The following MXD4 variants were observed in gnomAD, a reference collection of about 807,000 sequenced individuals.
MXD4 encodes the protein MAX dimerization protein 4.
A neutral mutation model predicts 24.5 loss-of-function variants in MXD4; 16 were observed. The ratio of observed to expected loss-of-function variants is 0.65; its 90% CI spans 0.44 to 0.99. The LOEUF (loss-of-function observed/expected upper bound fraction) is 0.99, where lower values mean the gene tolerates loss of function less well. Among genes scored for constraint, MXD4 ranks in the 50% least tolerant of loss-of-function variants. MXD4 has a pLI of 0.00. For missense variants in MXD4, 301 were observed against 301.5 expected (o/e 1.00, Z 0.01); for synonymous variants, 164 against 134.2 (o/e 1.22, Z -1.54).
At position 2,251,273 on chromosome 4, in the gene MXD4, A is replaced by C. The variant is rs370897849; in HGVS notation, c.310-27T>G. 7.5e-5 allele frequency: 117 copies of C among 1,559,766 alleles called. No individual in the cohort carries two copies. In the African/African-American group the frequency reaches 1.3e-3, roughly 18 times the overall value. ...TGGGGTCGAGGGGGGCTGTGAGCTC[A>C]CAGCGGGAAGAGGAGTCCCCCCATC... On this transcript the variant is annotated intron_variant, in intron 4 of 5. Transcript: ENST00000337190.
chr4:2,252,494 G>C lies in MXD4; in HGVS notation c.223C>G (p.Gln75Glu), dbSNP rs745398649. ...RRAKLRLYLE[Q>E]LKQLVPLGPD... ...CCCAGGGGCACCAGTTGCTTGAGCT[G>C]CTCAAGGTACAGCCTGAGTTTGGCT... The change falls in exon 4 of 6, where the codon CAG becomes GAG. Residue 75 changes from glutamine to glutamate, a missense_variant. Gln to Glu is a conservative substitution (Grantham distance 29). Coordinates refer to ENST00000337190, the MANE Select transcript of MXD4 (RefSeq NM_006454.3). 14 of 1,612,206 alleles carry C rather than the reference G, an allele frequency of 8.7e-6. No individual in the cohort carries two copies. In the South Asian group the frequency reaches 1.3e-4, roughly 15 times the overall value.
At chr4:2,257,171 C>T (rs1209192724) in intron 3 of MXD4, among the ~76,000 whole-genome samples, 2 of 152,172 alleles carry the variant, frequency 1.3e-5, no homozygotes, top group Non-Finnish European at 2.9e-5. Context: ...GGTGGGGAGG[C>T]GGAGAACTGG....
At chr4:2,261,559 G>C (rs975664034) in intron 2 of MXD4, among the ~76,000 whole-genome samples, 166 bp downstream of exon 2, 2 of 147,338 alleles carry the variant, frequency 1.4e-5, no homozygotes, top group Non-Finnish European at 3.0e-5. Context: ...CCGGCCGGGC[G>C]GGGCTGCGGC....
chr4:2,256,898 G>A (rs1177239508), intron 3 of MXD4, among the ~76,000 whole-genome samples: 1 of 152,060 alleles, frequency 6.6e-6, no homozygotes, highest in Admixed American at 6.5e-5. Context: ...ACCCCCACGT[G>A]CCTGCCCCGG....
At chr4:2,254,230 C>T (rs1342722261) in intron 3 of MXD4, 4 of 152,134 alleles carry the variant, frequency 2.6e-5, no homozygotes, top group Admixed American at 2.0e-4. Context: ...AAAGTACCCC[C>T]GAATTCCACC....
At chr4:2,258,346 G>T (rs529889664) in intron 2 of MXD4, among the ~76,000 whole-genome samples, 19 of 152,278 alleles carry the variant, frequency 1.2e-4, no homozygotes, top group African/African-American at 4.1e-4. Context: ...GCCCAGAGCT[G>T]CAGGCAGGTC....
At chr4:2,252,726 G>A in intron 3 of MXD4, 2 of 533,624 alleles carry the variant, frequency 3.7e-6, no homozygotes. Context: ...CCAGACACCT[G>A]GCAGAAGCGC....
chr4:2,250,455 G>A lies in MXD4; in HGVS notation c.*89C>T. Reference sequence around the variant, plus strand: ...TCCAGAATGGCACAGCAGTGGGCCTGTGGAGAGGCTGGCGTCAACTGAAGG... The same window carrying A: ...TCCAGAATGGCACAGCAGTGGGCCTATGGAGAGGCTGGCGTCAACTGAAGG... On this transcript the variant is annotated 3_prime_UTR_variant, in exon 6 of 6. Transcript: ENST00000337190. 1 of 1,411,540 alleles carries A rather than the reference G, an allele frequency of 7.1e-7. No individual in the cohort carries two copies. Among genetic ancestry groups the A allele is most frequent in the East Asian group, 2.5e-5 (1 of 39,892 alleles). The allele number at this position is 1,411,540 out of a possible 1,614,324, so 87.4% of individuals were successfully genotyped here. A position where few individuals can be genotyped will look rare whatever the true frequency, so the allele number is the denominator to read the frequency against.
At chr4:2,252,255 G>A (rs936897873) in intron 4 of MXD4, among the ~76,000 whole-genome samples, 153 bp downstream of exon 4, 15 of 152,132 alleles carry the variant, frequency 9.9e-5, no homozygotes, top group African/African-American at 3.1e-4. Context: ...AAACCCACCA[G>A]GCCCCCGACA....
At chr4:2,257,297 G>T (rs1735450717) in intron 3 of MXD4, among the ~76,000 whole-genome samples, 1 of 152,212 alleles carries the variant, frequency 6.6e-6, no homozygotes, top group Non-Finnish European at 1.5e-5. Flanking sequence ...CACAAGTCAG[G>T]AGAGAGCGAA....
chr4:2,260,497 CCA>C (rs1219243138), intron 2 of MXD4: 2 of 453,750 alleles, frequency 4.4e-6, no homozygotes, highest in African/African-American at 4.0e-5. Flanking sequence ...AGCTCACGCC[CCA>C]GAGTTCTCCA....
In MXD4 at chr4:2,252,342, C is replaced by T. The variant is rs570961529; in HGVS notation, c.309+66G>A. On this transcript the variant is annotated intron_variant, in intron 4 of 5. Coordinates refer to ENST00000337190, the MANE Select transcript of MXD4 (RefSeq NM_006454.3). ...CTGCCCAGGGTCACCTGTGAGCACC[C>T]CCCCAGGGCGTGCAGGGACACTGAG... The T allele has an allele frequency of 1.3e-5, 18 of 1,336,182 alleles. No individual in the cohort carries two copies. In the African/African-American group the frequency reaches 2.4e-4, roughly 18 times the overall value. The allele number at this position is 1,336,182 out of a possible 1,614,324, so 82.8% of individuals were successfully genotyped here.
rs897364638 is a variant in MXD4, at chr4:2,262,106, G to A, written c.-126C>T. On this transcript the variant is annotated 5_prime_UTR_variant, in exon 1 of 6. Coordinates refer to ENST00000337190, the MANE Select transcript of MXD4 (RefSeq NM_006454.3). ...ACTTCCAGACTCCGCGGACTCCGGC[G>A]CTCGGCCGCCACCCTCCGCCTCAGG... 9.3e-5 allele frequency: 32 copies of A among 345,246 alleles called. No homozygotes were observed. Among genetic ancestry groups the A allele is most frequent in the East Asian group, 5.1e-4 (3 of 5,924 alleles). The allele number at this position is 345,246 out of a possible 1,614,324, so 21.4% of individuals were successfully genotyped here.
intron 5 of MXD4, 148 bp downstream of exon 5, chr4:2,250,936 G>A (rs142177482): frequency 8.9e-5 from 104 of 1,170,386 alleles, no homozygotes; most frequent in African/African-American, 7.6e-4. Context: ...TCCCTTCTGC[G>A]CTTAGTGACA....
chr4:2,251,613 G>T (rs1004290170), intron 4 of MXD4, among the ~76,000 whole-genome samples: 2 of 152,216 alleles, frequency 1.3e-5, no homozygotes, highest in Non-Finnish European at 2.9e-5. Context: ...CTTACAGCGG[G>T]TCTCCTCACA....
chr4:2,251,012 T>C, intron 5 of MXD4, 72 bp downstream of exon 5: 1 of 1,444,104 alleles, frequency 6.9e-7, no homozygotes, highest in African/African-American at 1.4e-5. Context: ...AGGCACCTCC[T>C]CTCCACCCAG....
In MXD4 at chr4:2,261,976, T is replaced by C; in HGVS notation, c.5A>G (p.Glu2Gly). The C allele has an allele frequency of 2.2e-6, 3 of 1,369,294 alleles. No individual in the cohort carries two copies. Among genetic ancestry groups the C allele is most frequent in the Non-Finnish European group, 1.9e-6 (2 of 1,052,298 alleles). 84.8% of individuals were successfully genotyped at this position (1,369,294 alleles called of 1,614,324 possible). A position where few individuals can be genotyped will look rare whatever the true frequency, so the allele number is the denominator to read the frequency against. The change falls in exon 1 of 6, where the codon GAG (glutamate) becomes GGG (glycine). Residue 2 changes from glutamate (E) to glycine (G), a missense_variant. Coordinates refer to ENST00000337190, the MANE Select transcript of MXD4 (RefSeq NM_006454.3). Reference sequence around the variant, plus strand: ...CAGCAGGATCAGCAGGGAGTTCAGCTCCATCCTCCCGCCCGCGCCCGTCCG... The same window carrying C: ...CAGCAGGATCAGCAGGGAGTTCAGCCCCATCCTCCCGCCCGCGCCCGTCCG... Reference protein sequence around the residue: MELNSLLILLEA... With the variant: MGLNSLLILLEA...
At chr4:2,260,751 G>A (rs1433235082) in intron 2 of MXD4, among the ~76,000 whole-genome samples, 2 of 152,238 alleles carry the variant, frequency 1.3e-5, no homozygotes, top group African/African-American at 4.8e-5. Context: ...GGATTCCCTA[G>A]AACAGGTGGA....
At chr4:2,253,439 T>A (rs1447465566) in intron 3 of MXD4, 1 of 152,226 alleles carries the variant, frequency 6.6e-6, no homozygotes, top group South Asian at 2.1e-4. Flanking sequence ...GACTCACCCA[T>A]CCCGTGCAGG....
Sources: allele counts gnomAD v4.1 joint callset (sites outside exome capture counted in the v4.1 genomes callset), GRCh38; gene constraint gnomAD v4.1.1; transcripts MANE v1.5; gene names NCBI Gene and HGNC (gene_info 2026-07-23, HGNC 2026-07-21).